N4BP2L2: variants seen among roughly 807,000 people sequenced by gnomAD.
N4BP2L2 encodes NEDD4 binding protein 2 like 2, also known as NEDD4-binding protein 2-like 2.
N4BP2L2 carries 50 observed loss-of-function variants against 56.2 expected under a neutral mutation model. The observed-to-expected ratio is 0.89, with a 90% CI of 0.71 to 1.13. N4BP2L2 has a LOEUF of 1.13. Among genes scored for constraint, N4BP2L2 ranks in the 50% most tolerant of loss-of-function variants. N4BP2L2 has a pLI of 0.00. For synonymous variants in N4BP2L2, 203 were observed against 223.6 expected, an observed-to-expected ratio of 0.91 and a Z score of 0.82; for missense variants, 689 against 693.8, an observed-to-expected ratio of 0.99 and a Z score of 0.08.
intron 9 of N4BP2L2, among the ~76,000 whole-genome samples, chr13:32,434,347 C>G (rs548346771): frequency 2.0e-5 from 3 of 151,632 alleles, no homozygotes; most frequent in African/African-American, 7.3e-5. Flanking sequence ...ATCTGCCAGC[C>G]TCAGCCTCCC....
In N4BP2L2 at chr13:32,440,025, CAA is replaced by C. The variant is rs71071042; in HGVS notation, c.2105-1290_2105-1289del. 9.4e-3 allele frequency among the ~76,000 whole-genome samples: 980 copies of C among 103,812 alleles called. 13 individuals carry two copies. Among genetic ancestry groups the C allele is most frequent in the African/African-American group, 0.028 (894 of 31,684 alleles). 68.1% of individuals were successfully genotyped at this position (103,812 alleles called of 152,430 possible). On this transcript the variant is annotated intron_variant, in intron 7 of 9. Transcript: ENST00000357505. ...TGGGTGGCAGAGCGAGACTCCGTCT[CAA>C]AAAAAAAAAAAAAGAAAAGGAAAAA...
In N4BP2L2 at chr13:32,441,658, T is replaced by C. The variant is rs184186102; in HGVS notation, c.2104+730A>G. 9.1e-3 allele frequency among the ~76,000 whole-genome samples: 1,375 copies of C among 151,060 alleles called. 28 individuals carry two copies. The highest frequency in any genetic ancestry group is 0.032 in the African/African-American group (1,322 of 41,074). On this transcript the variant is annotated intron_variant, in intron 7 of 9. Transcript: ENST00000357505. ...GAGATCACACCATTGCACTCCAGCC[T>C]GGGCGACAAGAGCGAAACTCCCTCT...
intron 7 of N4BP2L2, among the ~76,000 whole-genome samples, chr13:32,442,018 G>T (rs577637892): frequency 6.6e-6 from 1 of 152,244 alleles, no homozygotes; most frequent in Non-Finnish European, 1.5e-5. Context: ...GGAGCTTGCA[G>T]TGAGCCGAGA....
exon 7 of N4BP2L2, chr13:32,443,500 G>A (rs755861443): frequency 6.2e-7 from 1 of 1,611,870 alleles, no homozygotes; most frequent in Non-Finnish European, 8.5e-7. Context: ...AACTTTATCT[G>A]ACATTCTGAT....
chr13:32,512,956 C>T (rs808879), exon 6 of N4BP2L2: 96,644 of 151,562 alleles, frequency 0.64, 32,235 homozygotes, highest in Non-Finnish European at 0.75. Flanking sequence ...GGCGTGAACC[C>T]GGGAGGCAGA....
chr13:32,443,492 C>G, exon 7 of N4BP2L2: 1 of 1,612,346 alleles, frequency 6.2e-7, no homozygotes, highest in Non-Finnish European at 8.5e-7. Context: ...TCTCTTAAAA[C>G]TTTATCTGAC....
chr13:32,536,887 T>C, exon 2 of N4BP2L2: 2 of 1,614,136 alleles, frequency 1.2e-6, no homozygotes, highest in South Asian at 2.2e-5. Context: ...CAGTTTTCTC[T>C]TGGATTCTGT....
intron 3 of N4BP2L2, chr13:32,522,722 G>A (rs1435969690): frequency 6.6e-6 from 1 of 152,382 alleles, no homozygotes; most frequent in East Asian, 1.9e-4. Context: ...TAAGTCAAAA[G>A]ATAGAGCTGG....
chr13:32,536,791 A>G (rs1475094271), exon 2 of N4BP2L2: 3 of 1,614,132 alleles, frequency 1.9e-6, no homozygotes, highest in East Asian at 4.5e-5. Context: ...GCAAAGGTCT[A>G]TGCAAATCTG....
At chr13:32,480,620 A>C (rs2084446664) in intron 6 of N4BP2L2, 1 of 1,288,078 alleles carries the variant, frequency 7.8e-7, no homozygotes, top group Admixed American at 2.3e-5. Flanking sequence ...GAAACATTTG[A>C]TATTTCTTCA....
At chr13:32,445,204 T>C (rs1030666801) in intron 6 of N4BP2L2, among the ~76,000 whole-genome samples, 2 of 152,108 alleles carry the variant, frequency 1.3e-5, no homozygotes, top group African/African-American at 4.8e-5. Flanking sequence ...TGAGCCAAGA[T>C]TGTGCCATTG....
chr13:32,449,383 T>C (rs1394451096), intron 6 of N4BP2L2, among the ~76,000 whole-genome samples: 2 of 152,238 alleles, frequency 1.3e-5, no homozygotes, highest in African/African-American at 2.4e-5. Flanking sequence ...GCTTTGAATA[T>C]TTCTTTGGGT....
Position 32,468,857 on chromosome 13 carries a change from C to A in N4BP2L2, c.366-24731G>T, listed in dbSNP as rs1344064737. Among the ~76,000 whole-genome samples, 8 of 152,208 alleles carry A rather than the reference C, an allele frequency of 5.3e-5. No homozygotes were observed. The East Asian group carries it at 1.5e-3, about 29-fold the overall frequency. On this transcript the variant is annotated intron_variant, in intron 6 of 9. Coordinates refer to the N4BP2L2 transcript ENST00000357505. The stretch of plus-strand genomic sequence containing the variant: ...AGGGGAGAGCCAGCTTGGCTTGTGC[C>A]CAGAGAGAGAAAAAGTTAAGCTGCT...
intron 2 of N4BP2L2, among the ~76,000 whole-genome samples, chr13:32,533,587 T>C (rs1041221011): frequency 1.1e-4 from 16 of 145,352 alleles, no homozygotes; most frequent in Non-Finnish European, 2.4e-4. Flanking sequence ...AATGGCACGA[T>C]CATGGCTCAC....
intron 6 of N4BP2L2, among the ~76,000 whole-genome samples, chr13:32,490,678 A>G (rs1368436715): frequency 6.7e-6 from 1 of 149,412 alleles, no homozygotes; most frequent in Admixed American, 6.6e-5. Flanking sequence ...GTGGTTTCGG[A>G]GATGAAACTG....
At position 32,435,527 on chromosome 13, in the gene N4BP2L2, C is replaced by G. The variant is rs904958467; in HGVS notation, c.*21+834G>C. Among the ~76,000 whole-genome samples the G allele has an allele frequency of 4.6e-5, 7 of 152,292 alleles. No homozygotes were observed. In the East Asian group the frequency reaches 9.7e-4, roughly 21 times the overall value. On this transcript the variant is annotated intron_variant, in intron 9 of 9. Coordinates refer to the N4BP2L2 transcript ENST00000357505. ...GGGAGTATAGGCGTGAGCCACCACA[C>G]CTGGCCACATTTGCTGAATAATTGA...
In N4BP2L2 at chr13:32,436,472, T is replaced by A. The variant is rs1385618718; in HGVS notation, c.2191-67A>T. ...CATTGGAGTTAAGTTTGCACTGTCATTTTACTCATGTAGGGACACTCCTAA... is the reference window on the plus strand; with the variant it reads ...CATTGGAGTTAAGTTTGCACTGTCAATTTACTCATGTAGGGACACTCCTAA... On this transcript the variant is annotated intron_variant, in intron 8 of 9. Coordinates refer to the N4BP2L2 transcript ENST00000357505. 17 of 712,054 alleles carry A rather than the reference T, an allele frequency of 2.4e-5. 1 individual carries two copies. Among genetic ancestry groups the A allele is most frequent in the Non-Finnish European group, 2.7e-5 (12 of 439,718 alleles). The allele number at this position is 712,054 out of a possible 1,614,324, so 44.1% of individuals were successfully genotyped here. A position where few individuals can be genotyped will look rare whatever the true frequency, so the allele number is the denominator to read the frequency against.
At chr13:32,524,114 C>T (rs1220837039) in intron 3 of N4BP2L2, 1 of 152,154 alleles carries the variant, frequency 6.6e-6, no homozygotes, top group Non-Finnish European at 1.5e-5. Flanking sequence ...TGGGGAAATA[C>T]ATATTTGGGA....
exon 2 of N4BP2L2, chr13:32,536,833 A>G: frequency 1.2e-6 from 2 of 1,614,058 alleles, no homozygotes; most frequent in Non-Finnish European, 1.7e-6. Flanking sequence ...GCAAATAACT[A>G]TGTCCTCTGA....
Sources: allele counts gnomAD v4.1 joint callset (sites outside exome capture counted in the v4.1 genomes callset), GRCh38; gene constraint gnomAD v4.1.1; transcripts MANE v1.5; gene names NCBI Gene and HGNC (gene_info 2026-07-23, HGNC 2026-07-21).